Variants in PRKN observed in about 807,000 individuals in gnomAD.
PRKN encodes parkin RBR E3 ubiquitin protein ligase, also known as E3 ubiquitin-protein ligase parkin.
In PRKN, 56 loss-of-function variants were observed where a neutral mutation model predicts 59.5. The observed-to-expected ratio is 0.94, with a 90% CI of 0.76 to 1.18. PRKN has a LOEUF of 1.18. Ranked by LOEUF, PRKN falls within the 50% of genes most tolerant of loss-of-function variation. The pLI is 0.00. For missense variants in PRKN, 657 were observed against 596.4 expected (o/e 1.10, Z -1.06); for synonymous variants, 250 against 222.1 (o/e 1.13, Z -1.12).
At chr6:162,081,971 T>C (rs1779077932) in intron 4 of PRKN, among the ~76,000 whole-genome samples, 1 of 152,154 alleles carries the variant, frequency 6.6e-6, no homozygotes, top group Non-Finnish European at 1.5e-5. Context: ...CTCATGAATC[T>C]ACCTCTGCCA....
At chr6:162,524,429 T>C (rs1442699728) in intron 1 of PRKN, among the ~76,000 whole-genome samples, 3 of 152,178 alleles carry the variant, frequency 2.0e-5, no homozygotes, top group African/African-American at 7.2e-5. Flanking sequence ...TTGGTAATAG[T>C]CTTGGGTGAG....
chr6:161,529,147 G>A lies in PRKN; in HGVS notation c.1083+19707C>T, dbSNP rs547219523. Among the ~76,000 whole-genome samples, 17 of 152,240 alleles carry A rather than the reference G, an allele frequency of 1.1e-4. No individual in the cohort carries two copies. The highest frequency in any genetic ancestry group is 3.9e-4 in the African/African-American group (16 of 41,550). On this transcript the variant is annotated intron_variant, in intron 9 of 11. Transcript: ENST00000366898. This position sits in a 1 kb window ranked among gnomAD's most constrained non-coding sequence, Gnocchi z 4.4. ...CGCTGCGTTCCTCTCCCTAGTCACC[G>A]CATGCCTTCCTGTTCCAGTGAAATT...
chr6:161,740,161 T>C (rs954851283), intron 7 of PRKN, among the ~76,000 whole-genome samples: 1 of 152,234 alleles, frequency 6.6e-6, no homozygotes, highest in African/African-American at 2.4e-5. Flanking sequence ...TTCAATTAAA[T>C]TGTGCAGCCT....
rs2024588 is a variant in PRKN at position 161,561,956 on chromosome 6, T to C, written c.933+7399A>G. ...GTCATTCGTGACTTTTGCCACAGTG[T>C]CACAGGCGAAGGACGCTCCCTGACC... On this transcript the variant is annotated intron_variant, in intron 8 of 11. Transcript: ENST00000366898. This position sits in a 1 kb window ranked among gnomAD's most constrained non-coding sequence, Gnocchi z 5.0. Among the ~76,000 whole-genome samples the C allele has an allele frequency of 0.39, 59,334 of 151,930 alleles. 12,243 individuals carry two copies. Among genetic ancestry groups the C allele is most frequent in the African/African-American group, 0.52 (21,704 of 41,448 alleles).
At chr6:161,621,432 G>GGGGGTCCT (rs1389866685) in intron 7 of PRKN, among the ~76,000 whole-genome samples, 3 of 152,108 alleles carry the variant, frequency 2.0e-5, no homozygotes, top group African/African-American at 7.2e-5. Context: ...TCCCAAGGCT[G>GGGGGTCCT]GGGGTCCTGG....
chr6:162,105,947 A>G (rs1780175994), intron 4 of PRKN, among the ~76,000 whole-genome samples: 1 of 152,190 alleles, frequency 6.6e-6, no homozygotes, highest in Non-Finnish European at 1.5e-5. Context: ...CATGGATCCA[A>G]TCGTCATACA....
At chr6:162,632,983 A>G (rs925105839) in intron 1 of PRKN, among the ~76,000 whole-genome samples, 6 of 152,144 alleles carry the variant, frequency 3.9e-5, no homozygotes, top group African/African-American at 1.4e-4. Flanking sequence ...TTTTCATTTA[A>G]AATATTAAAT....
chr6:161,701,158 C>T (rs1478457418), intron 7 of PRKN, among the ~76,000 whole-genome samples: 1 of 152,150 alleles, frequency 6.6e-6, no homozygotes, highest in Non-Finnish European at 1.5e-5. Flanking sequence ...ACAACAAACT[C>T]TTCTTGATCT....
intron 1 of PRKN, among the ~76,000 whole-genome samples, chr6:162,596,200 C>A (rs765868378): frequency 6.6e-6 from 1 of 152,128 alleles, no homozygotes; most frequent in East Asian, 1.9e-4. Flanking sequence ...TTATTATCTG[C>A]CCCCTTCCCG....
chr6:162,106,712 T>C (rs1280894052), intron 4 of PRKN, among the ~76,000 whole-genome samples: 1 of 152,138 alleles, frequency 6.6e-6, no homozygotes, highest in African/African-American at 2.4e-5. Flanking sequence ...CCATTCACAT[T>C]CGAAATAGAG....
At chr6:161,585,530 T>G (rs1781491758) in intron 7 of PRKN, among the ~76,000 whole-genome samples, 1 of 152,222 alleles carries the variant, frequency 6.6e-6, no homozygotes, top group South Asian at 2.1e-4. Flanking sequence ...TATATTCACA[T>G]CTCAAATTTT....
chr6:161,844,548 G>C (rs1178254417), intron 6 of PRKN, among the ~76,000 whole-genome samples: 1 of 152,202 alleles, frequency 6.6e-6, no homozygotes, highest in Admixed American at 6.5e-5. Flanking sequence ...GCATGTGGCT[G>C]TTGAACCACA....
At position 162,168,524 on chromosome 6, in the gene PRKN, C is replaced by T. The variant is rs1045458861; in HGVS notation, c.534+32607G>A. On this transcript the variant is annotated intron_variant, in intron 4 of 11. Transcript: ENST00000366898. ...AATTATGACATTTGTAAGGCAAACCCAGGCTTTCATCCATCATTCTAATCT... is the reference window on the plus strand; with the variant it reads ...AATTATGACATTTGTAAGGCAAACCTAGGCTTTCATCCATCATTCTAATCT... Among the ~76,000 whole-genome samples, 3 of 122,800 alleles carry T rather than the reference C, an allele frequency of 2.4e-5. No homozygotes were observed. The East Asian group carries it at 6.7e-4, about 27-fold the overall frequency. 80.6% of individuals were successfully genotyped at this position (122,800 alleles called of 152,430 possible). A position where few individuals can be genotyped will look rare whatever the true frequency, so the allele number is the denominator to read the frequency against.
chr6:161,517,864 G>C (rs1778674217), intron 9 of PRKN, among the ~76,000 whole-genome samples: 1 of 151,342 alleles, frequency 6.6e-6, no homozygotes, highest in Admixed American at 6.6e-5. Context: ...CTGTACTCTA[G>C]CTATGCAAGA....
At chr6:162,625,603 C>G (rs1782851016) in intron 1 of PRKN, among the ~76,000 whole-genome samples, 1 of 152,078 alleles carries the variant, frequency 6.6e-6, no homozygotes, top group South Asian at 2.1e-4. Flanking sequence ...TACTCTGTAT[C>G]TCCCTCCCTT....
chr6:162,262,688 A>G lies in PRKN; in HGVS notation c.249T>C (p.Thr83=). ...CCGCGTTTCTGGGGTCGTCGCCTCCAGTTGCATTCATTTCTTGACCTTTTC... is the reference window on the plus strand; with the variant it reads ...CCGCGTTTCTGGGGTCGTCGCCTCCGGTTGCATTCATTTCTTGACCTTTTC... ...PWRKGQEMNA[T]GGDDPRNAAG... The change falls in exon 3 of 12, where the codon ACT becomes ACC. Residue 83 remains threonine (T), a synonymous_variant. Coordinates refer to ENST00000366898, the MANE Select transcript of PRKN (RefSeq NM_004562.3). The G allele has an allele frequency of 6.2e-7, 1 of 1,612,478 alleles. No individual in the cohort carries two copies. The highest frequency in any genetic ancestry group is 2.2e-5 in the East Asian group (1 of 44,788).
intron 7 of PRKN, among the ~76,000 whole-genome samples, chr6:161,780,417 G>A (rs1382341305): frequency 6.6e-6 from 1 of 152,172 alleles, no homozygotes; most frequent in Non-Finnish European, 1.5e-5. Context: ...ATATTGGATG[G>A]TCATATGTCA....
chr6:162,283,481 T>A (rs944322727), intron 2 of PRKN, among the ~76,000 whole-genome samples: 1 of 152,284 alleles, frequency 6.6e-6, no homozygotes, highest in South Asian at 2.1e-4. Flanking sequence ...AAGGAAATGG[T>A]ATGAGTTTTT....
At chr6:161,934,909 A>C (rs184592301) in intron 6 of PRKN, among the ~76,000 whole-genome samples, 285 of 152,306 alleles carry the variant, frequency 1.9e-3, no homozygotes, top group Non-Finnish European at 3.3e-3. Flanking sequence ...TGGCCCTGGA[A>C]AATCACCAAA....
Sources: allele counts gnomAD v4.1 joint callset (sites outside exome capture counted in the v4.1 genomes callset), GRCh38; gene constraint gnomAD v4.1.1; non-coding constraint Gnocchi (gnomAD v3.1); transcripts MANE v1.5; gene names NCBI Gene and HGNC (gene_info 2026-07-23, HGNC 2026-07-21).